Variants in RBFOX1 observed in about 807,000 individuals in gnomAD.
The protein encoded by RBFOX1 is RNA binding fox-1 homolog 1.
In RBFOX1, 8 loss-of-function variants were observed where a neutral mutation model predicts 57.7. The observed-to-expected ratio is 0.14, with a 90% CI of 0.08 to 0.25. RBFOX1 has a LOEUF of 0.25. RBFOX1 is among the 10% of genes least tolerant of loss of function. The probability of loss-of-function intolerance (pLI) is 1.00; values close to 1 mark genes in which losing one functional copy is unlikely to be tolerated. For synonymous variants in RBFOX1, 326 were observed against 222.4 expected, an observed-to-expected ratio of 1.47 and a Z score of -4.15; for missense variants, 611 against 548.5, an observed-to-expected ratio of 1.11 and a Z score of -1.14.
intron 2 of RBFOX1, among the ~76,000 whole-genome samples, chr16:6,620,997 C>T (rs1392298680): frequency 6.6e-6 from 1 of 152,212 alleles, no homozygotes; most frequent in East Asian, 1.9e-4. Context: ...GGGTTGATTC[C>T]TACTAGAGGC....
intron 4 of RBFOX1, among the ~76,000 whole-genome samples, chr16:5,960,748 C>A (rs1047499121): frequency 6.6e-6 from 1 of 152,138 alleles, no homozygotes; most frequent in Non-Finnish European, 1.5e-5. Context: ...TGTGGAGCAA[C>A]CCCAACACAG....
At chr16:6,593,949 A>G (rs572863991) in intron 2 of RBFOX1, among the ~76,000 whole-genome samples, 120 of 152,234 alleles carry the variant, frequency 7.9e-4, no homozygotes, top group East Asian at 1.4e-3. Context: ...CTTTTGTTCA[A>G]TTTGGCGTTT....
intron 3 of RBFOX1, among the ~76,000 whole-genome samples, chr16:5,793,789 G>T (rs1338554853): frequency 2.6e-5 from 4 of 152,132 alleles, no homozygotes; most frequent in Non-Finnish European, 4.4e-5. Context: ...GCATGTGCAT[G>T]TGTGTGTGAG....
At chr16:7,103,206 A>T (rs1333337091) in intron 4 of RBFOX1, among the ~76,000 whole-genome samples, 1 of 152,144 alleles carries the variant, frequency 6.6e-6, no homozygotes, top group Non-Finnish European at 1.5e-5. Context: ...TAAAGAGGGG[A>T]TAAAAAACCA....
chr16:7,213,664 A>G (rs1482221021), intron 4 of RBFOX1, among the ~76,000 whole-genome samples: 1 of 152,186 alleles, frequency 6.6e-6, no homozygotes, highest in Non-Finnish European at 1.5e-5. Flanking sequence ...ATCTCATTTA[A>G]TAATCCTAAC....
At chr16:7,442,020 C>A (rs2098771954) in intron 4 of RBFOX1, among the ~76,000 whole-genome samples, 1 of 152,206 alleles carries the variant, frequency 6.6e-6, no homozygotes, top group Non-Finnish European at 1.5e-5. Context: ...TGAGCTTTTC[C>A]CCTAGTTCAT....
At chr16:6,960,565 T>G (rs2082749492) in intron 3 of RBFOX1, among the ~76,000 whole-genome samples, 1 of 152,130 alleles carries the variant, frequency 6.6e-6, no homozygotes, top group Non-Finnish European at 1.5e-5. Flanking sequence ...TCTGTTCCCC[T>G]GTGCCCTTCT....
chr16:5,354,713 G>T (rs1175688577), intron 1 of RBFOX1, among the ~76,000 whole-genome samples: 2 of 152,214 alleles, frequency 1.3e-5, no homozygotes, highest in Non-Finnish European at 2.9e-5. Context: ...CTTAAGTGTG[G>T]TCCTTCTGAT....
intron 3 of RBFOX1, among the ~76,000 whole-genome samples, chr16:6,715,851 G>T (rs1293468845): frequency 1.3e-5 from 2 of 152,160 alleles, no homozygotes; most frequent in Non-Finnish European, 2.9e-5. Context: ...AATACTGTCT[G>T]GGTTTCTTAG....
intron 1 of RBFOX1, among the ~76,000 whole-genome samples, chr16:5,313,680 G>A (rs1380487736): frequency 1.3e-5 from 2 of 152,178 alleles, no homozygotes; most frequent in African/African-American, 2.4e-5. Flanking sequence ...GAGAGTTTGT[G>A]TAGGGGAACT....
intron 2 of RBFOX1, among the ~76,000 whole-genome samples, chr16:6,493,601 C>T (rs1032459523): frequency 6.6e-6 from 1 of 152,118 alleles, no homozygotes; most frequent in Non-Finnish European, 1.5e-5. Flanking sequence ...AAGATGTTTA[C>T]TATATATTTA....
chr16:5,834,259 GC>G (rs1186205916), intron 3 of RBFOX1, among the ~76,000 whole-genome samples: 3 of 152,028 alleles, frequency 2.0e-5, no homozygotes, highest in African/African-American at 7.3e-5. Context: ...AGTTTTTCAT[GC>G]CCCCTTCTGA....
At chr16:6,846,158 T>C (rs2093744112) in intron 3 of RBFOX1, among the ~76,000 whole-genome samples, 1 of 152,204 alleles carries the variant, frequency 6.6e-6, no homozygotes, top group Admixed American at 6.5e-5. Context: ...CCAGAGCTGC[T>C]TACACGGTGG....
chr16:7,698,606 C>G (rs991457961), intron 14 of RBFOX1, among the ~76,000 whole-genome samples: 24 of 152,132 alleles, frequency 1.6e-4, no homozygotes, highest in African/African-American at 5.1e-4. Context: ...TTGGCCATTC[C>G]TCTAACTGAT....
intron 3 of RBFOX1, among the ~76,000 whole-genome samples, chr16:6,776,395 A>C (rs2079351849): frequency 6.6e-6 from 1 of 151,760 alleles, no homozygotes; most frequent in African/African-American, 2.4e-5. Context: ...TGGGTGACAG[A>C]GTGAGACTCC....
At chr16:6,438,971 C>G (rs751726532) in intron 2 of RBFOX1, among the ~76,000 whole-genome samples, 4 of 152,178 alleles carry the variant, frequency 2.6e-5, no homozygotes, top group Non-Finnish European at 4.4e-5. Flanking sequence ...TGCATTGTCA[C>G]TGCTAGTGGC....
At chr16:6,258,974 C>T (rs1348167437) in intron 1 of RBFOX1, among the ~76,000 whole-genome samples, 1 of 152,100 alleles carries the variant, frequency 6.6e-6, no homozygotes, top group East Asian at 1.9e-4. Flanking sequence ...AGTTCATTTA[C>T]AACATTAGAT....
chr16:5,413,410 T>C (rs1427200331), intron 1 of RBFOX1, among the ~76,000 whole-genome samples: 2 of 152,188 alleles, frequency 1.3e-5, no homozygotes, highest in African/African-American at 4.8e-5. Flanking sequence ...ATCCAATACA[T>C]ATCCGTGGTA....
chr16:5,554,444 A>T (rs2342528), intron 2 of RBFOX1, among the ~76,000 whole-genome samples: 47,363 of 152,146 alleles, frequency 0.31, 8,410 homozygotes, highest in East Asian at 0.73. Context: ...CTTCTAAAAC[A>T]TTAAAAAGTA....
Sources: allele counts gnomAD v4.1 joint callset (sites outside exome capture counted in the v4.1 genomes callset), GRCh38; gene constraint gnomAD v4.1.1; transcripts MANE v1.5; gene names NCBI Gene and HGNC (gene_info 2026-07-23, HGNC 2026-07-21).